DNM2: variants seen among roughly 807,000 people sequenced by gnomAD.
DNM2 encodes the protein dynamin 2, also known as dynamin-2.
DNM2 carries 15 observed loss-of-function variants against 99.0 expected under a neutral mutation model. The observed-to-expected ratio is 0.15, with a 90% confidence interval of 0.10 to 0.23. DNM2 has a LOEUF of 0.23. DNM2 is among the 10% of genes least tolerant of loss of function. DNM2 has a pLI of 1.00. For missense variants in DNM2, 742 were observed against 1,189.4 expected, an observed-to-expected ratio of 0.62 and a Z score of 5.53; for synonymous variants, 525 against 481.2, an observed-to-expected ratio of 1.09 and a Z score of -1.19.
chr19:10,752,008 C>T (rs1021406186), intron 1 of DNM2, among the ~76,000 whole-genome samples: 10 of 152,142 alleles, frequency 6.6e-5, no homozygotes, highest in African/African-American at 1.9e-4. Context: ...TGGCCGGGGT[C>T]GGGTCATACA....
Position 10,812,869 on chromosome 19 carries a change from AC to A in DNM2, c.1671+494del, listed in dbSNP as rs1402251343. Among the ~76,000 whole-genome samples, 1 of 152,216 alleles carries A rather than the reference AC, an allele frequency of 6.6e-6. No homozygotes were observed. Among genetic ancestry groups the A allele is most frequent in the Non-Finnish European group, 1.5e-5 (1 of 68,032 alleles). ...CCATGTGCCAAAAGGCTTACATTGT[AC>A]CTGGCCCCCATGGGACCAGCTCCTA... On this transcript the variant is annotated intron_variant, in intron 15 of 20. Transcript: ENST00000389253. This position sits in a 1 kb window ranked among gnomAD's most constrained non-coding sequence, Gnocchi z 4.0.
At position 10,816,038 on chromosome 19, in the gene DNM2, C is replaced by T. The variant is rs2072727315; in HGVS notation, c.1671+3661C>T. ...CCTACTCCCCGTGAGGAAACCCTCA[C>T]GCTTGCTATTCGGGTGGCTCTGTGG... On this transcript the variant is annotated intron_variant, in intron 15 of 20. Transcript: ENST00000389253. The surrounding 1 kb of genome is among the most constrained non-coding windows in gnomAD (Gnocchi z 4.6). 1.3e-5 allele frequency among the ~76,000 whole-genome samples: 2 copies of T among 152,144 alleles called. No homozygotes were observed. Among genetic ancestry groups the T allele is most frequent in the African/African-American group, 4.8e-5 (2 of 41,434 alleles).
intron 2 of DNM2, among the ~76,000 whole-genome samples, chr19:10,770,253 C>A (rs189032919): frequency 6.6e-6 from 1 of 152,166 alleles, no homozygotes; most frequent in Non-Finnish European, 1.5e-5. Context: ...TATGGCATGG[C>A]TGTGTTATTC....
At position 10,830,418 on chromosome 19, in the gene DNM2, C is replaced by T. The variant is rs139947103; in HGVS notation, c.2543+40C>T. 407 of 1,595,404 alleles carry T rather than the reference C, an allele frequency of 2.6e-4. No individual in the cohort carries two copies. In the African/African-American group the frequency reaches 4.7e-3, roughly 18 times the overall value. ...CTGCCCTCCACCCCAACTGCCTGCA[C>T]CCTGGGGTCTCTCCTCCTGTCTCAC... On this transcript the variant is annotated intron_variant, in intron 20 of 20. Transcript: ENST00000389253. This position sits in a 1 kb window ranked among gnomAD's most constrained non-coding sequence, Gnocchi z 4.8.
rs993607637 is a variant in DNM2, at chr19:10,816,446, C to T, written c.1672-3534C>T. ...GAAGCTTCCAGAACCTCAGATCCAG[C>T]GAACCTCATGGGGTTGGGATGTGGG... On this transcript the variant is annotated intron_variant, in intron 15 of 20. Coordinates refer to ENST00000389253, the MANE Select transcript of DNM2 (RefSeq NM_001005361.3). This position sits in a 1 kb window ranked among gnomAD's most constrained non-coding sequence, Gnocchi z 4.6. Among the ~76,000 whole-genome samples, 3 of 152,088 alleles carry T rather than the reference C, an allele frequency of 2.0e-5. No homozygotes were observed. Among genetic ancestry groups the T allele is most frequent in the Non-Finnish European group, 2.9e-5 (2 of 68,014 alleles).
chr19:10,762,307 G>T (rs919614754), intron 2 of DNM2, among the ~76,000 whole-genome samples: 1 of 152,124 alleles, frequency 6.6e-6, no homozygotes, highest in Non-Finnish European at 1.5e-5. Context: ...CAAAGTGCTG[G>T]GATTACAGGC....
At chr19:10,829,865 T>G (rs2073272260) in intron 19 of DNM2, among the ~76,000 whole-genome samples, 2 of 152,072 alleles carry the variant, frequency 1.3e-5, no homozygotes, top group Non-Finnish European at 2.9e-5. Context: ...TAGGGCTTGA[T>G]CTGGAGGACT....
At chr19:10,759,604 G>A (rs2070547028) in intron 1 of DNM2, 134 bp from the exon 2 acceptor site, 1 of 1,012,538 alleles carries the variant, frequency 9.9e-7, no homozygotes, top group South Asian at 1.3e-5. Context: ...CATTCCCCAG[G>A]GCCCAGCTGG....
chr19:10,779,108 G>A (rs921628301), intron 5 of DNM2, among the ~76,000 whole-genome samples: 6 of 151,638 alleles, frequency 4.0e-5, no homozygotes, highest in East Asian at 3.9e-4. Context: ...CCAGCTACTC[G>A]GGAGGCTGAG....
chr19:10,808,174 A>G (rs2072419011), intron 13 of DNM2, among the ~76,000 whole-genome samples: 1 of 149,734 alleles, frequency 6.7e-6, no homozygotes, highest in African/African-American at 2.5e-5. Context: ...AGAAAAGGAA[A>G]CCATAATCTT....
At position 10,795,760 on chromosome 19, in the gene DNM2, G is replaced by T. The variant is rs1413626812; in HGVS notation, c.1196+321G>T. 5.1e-6 allele frequency: 3 copies of T among 582,830 alleles called. No individual in the cohort carries two copies. The highest frequency in any genetic ancestry group is 9.1e-6 in the Non-Finnish European group (3 of 327,932). 36.1% of individuals were successfully genotyped at this position (582,830 alleles called of 1,614,324 possible). On this transcript the variant is annotated intron_variant, in intron 9 of 20. Transcript: ENST00000389253. The surrounding 1 kb of genome is among the most constrained non-coding windows in gnomAD (Gnocchi z 4.2). ...TGCAGATTTGCCTGGGGAGGGGCGG[G>T]GCGGCACTGAATCAGGGTTTTGGGA...
Position 10,795,257 on chromosome 19 carries a change from A to G in DNM2, c.1129-115A>G. On this transcript the variant is annotated intron_variant, in intron 8 of 20. Transcript: ENST00000389253. The surrounding 1 kb of genome is among the most constrained non-coding windows in gnomAD (Gnocchi z 4.2). Reference sequence around the variant, plus strand: ...TTTTAAATAAAATTTTGACGAGTTAAATATTCTGCCTTGTGAATATAGCCA... The same window carrying G: ...TTTTAAATAAAATTTTGACGAGTTAGATATTCTGCCTTGTGAATATAGCCA... 1 of 984,596 alleles carries G rather than the reference A, an allele frequency of 1.0e-6. No individual in the cohort carries two copies. The highest frequency in any genetic ancestry group is 1.3e-5 in the South Asian group (1 of 77,510). The allele number at this position is 984,596 out of a possible 1,614,324, so 61.0% of individuals were successfully genotyped here.
chr19:10,724,302 C>G lies in DNM2; in HGVS notation c.161+5899C>G, dbSNP rs182738031. Among the ~76,000 whole-genome samples, 7 of 152,222 alleles carry G rather than the reference C, an allele frequency of 4.6e-5. No homozygotes were observed. The South Asian group carries it at 1.5e-3, about 32-fold the overall frequency. On this transcript the variant is annotated intron_variant, in intron 1 of 20. Coordinates refer to ENST00000389253, the MANE Select transcript of DNM2 (RefSeq NM_001005361.3). ...ACGCCATTCTCTTGCCTCAGCCTCCCGAGTAGCTGGGATTACAGGCGCCTG... is the reference window on the plus strand; with the variant it reads ...ACGCCATTCTCTTGCCTCAGCCTCCGGAGTAGCTGGGATTACAGGCGCCTG...
intron 7 of DNM2, among the ~76,000 whole-genome samples, chr19:10,789,693 G>T (rs770545564): frequency 2.0e-5 from 3 of 152,056 alleles, no homozygotes; most frequent in Admixed American, 2.0e-4. Flanking sequence ...AATTAGCCAG[G>T]TGTGGTGGTG....
intron 1 of DNM2, among the ~76,000 whole-genome samples, chr19:10,750,250 G>T (rs554549031): frequency 3.9e-5 from 6 of 152,078 alleles, no homozygotes; most frequent in Admixed American, 3.9e-4. Context: ...AGGCCGATGC[G>T]GGAAGATTGC....
intron 1 of DNM2, among the ~76,000 whole-genome samples, chr19:10,741,387 C>T (rs780102257): frequency 9.3e-5 from 14 of 150,926 alleles, no homozygotes; most frequent in Non-Finnish European, 1.9e-4. Flanking sequence ...GTGTGCCACA[C>T]CCGACTAATT....
intron 6 of DNM2, 123 bp from the exon 7 acceptor site, chr19:10,786,441 T>C (rs1352764679): frequency 9.7e-6 from 14 of 1,435,976 alleles, no homozygotes; most frequent in Admixed American, 5.1e-5. Flanking sequence ...CTCTCAAGGC[T>C]GTGTGGTGTG....
Position 10,797,625 on chromosome 19 carries a change from C to T in DNM2, c.1335+107C>T, listed in dbSNP as rs908051457. The T allele has an allele frequency of 5.0e-5, 77 of 1,550,206 alleles. 1 individual carries two copies. In the Admixed American group the frequency reaches 8.9e-4, roughly 18 times the overall value. On this transcript the variant is annotated intron_variant, in intron 10 of 20. Transcript: ENST00000389253. Reference sequence around the variant, plus strand: ...TTCAGCCTCGGCAGGAACCCCCTTCCGCCTACCAGTTGTCACTTAGAGATG... The same window carrying T: ...TTCAGCCTCGGCAGGAACCCCCTTCTGCCTACCAGTTGTCACTTAGAGATG...
rs1290878626 is a variant in DNM2, at chr19:10,779,502, C to CTTTCT, written c.688+2289_688+2290insCTTTT. Among the ~76,000 whole-genome samples, 44 of 29,632 alleles carry CTTTCT rather than the reference C, an allele frequency of 1.5e-3. 1 individual carries two copies. Among genetic ancestry groups the CTTTCT allele is most frequent in the South Asian group, 5.4e-3 (3 of 556 alleles). 19.4% of individuals were successfully genotyped at this position (29,632 alleles called of 152,430 possible). A position where few individuals can be genotyped will look rare whatever the true frequency, so the allele number is the denominator to read the frequency against. ...TCTTTCTTTCTTTCTTTCTTTCTTT[C>CTTTCT]TTTTTTTTTTTTTTTTTTTTTTTTT... On this transcript the variant is annotated intron_variant, in intron 5 of 20. Transcript: ENST00000389253.
Sources: allele counts gnomAD v4.1 joint callset (sites outside exome capture counted in the v4.1 genomes callset), GRCh38; gene constraint gnomAD v4.1.1; non-coding constraint Gnocchi (gnomAD v3.1); transcripts MANE v1.5; gene names NCBI Gene and HGNC (gene_info 2026-07-23, HGNC 2026-07-21).